The following USP37 variants were observed in gnomAD, a reference collection of about 807,000 sequenced individuals.
The protein encoded by USP37 is ubiquitin specific peptidase 37.
In USP37, 27 loss-of-function variants were observed where a neutral mutation model predicts 124.0. The ratio of observed to expected loss-of-function variants is 0.22; its 90% CI spans 0.16 to 0.30. The LOEUF is 0.30. USP37 is among the 10% of genes least tolerant of loss of function. The pLI, the probability that USP37 is intolerant of heterozygous loss-of-function variation, is 1.00. For missense variants in USP37, 889 were observed against 1,140.4 expected (o/e 0.78, Z 3.17); for synonymous variants, 365 against 388.0 (o/e 0.94, Z 0.70).
At chr2:218,486,882 C>T (rs1355643452) in intron 15 of USP37, among the ~76,000 whole-genome samples, 1 of 151,966 alleles carries the variant, frequency 6.6e-6, no homozygotes, top group Non-Finnish European at 1.5e-5. Flanking sequence ...CCCGCCACCA[C>T]GCCCAGCTAA....
chr2:218,459,534 T>C (rs1266399766), intron 23 of USP37, among the ~76,000 whole-genome samples: 2 of 152,254 alleles, frequency 1.3e-5, no homozygotes, highest in Non-Finnish European at 2.9e-5. Context: ...CATACATGCC[T>C]TTACTGAGTT....
intron 4 of USP37, among the ~76,000 whole-genome samples, chr2:218,557,465 T>C (rs919039487): frequency 2.0e-5 from 3 of 151,904 alleles, no homozygotes; most frequent in Non-Finnish European, 4.4e-5. Context: ...CTATCTTATT[T>C]AAGACTACCT....
intron 9 of USP37, among the ~76,000 whole-genome samples, chr2:218,534,049 A>G (rs1691482548): frequency 6.6e-6 from 1 of 152,244 alleles, no homozygotes; most frequent in South Asian, 2.1e-4. Context: ...TACTTTGACA[A>G]TGAAACAGCT....
chr2:218,510,586 T>C (rs1689926781), intron 10 of USP37, among the ~76,000 whole-genome samples: 1 of 152,232 alleles, frequency 6.6e-6, no homozygotes, highest in Non-Finnish European at 1.5e-5. Flanking sequence ...CAATCTTCAT[T>C]TTTAATTTTT....
chr2:218,502,695 A>T (rs997647272), intron 11 of USP37, among the ~76,000 whole-genome samples: 18 of 152,312 alleles, frequency 1.2e-4, no homozygotes, highest in Middle Eastern at 3.4e-3. Context: ...AGTGCCTTCA[A>T]GGAGGAAGAT....
intron 1 of USP37, 101 bp from the exon 2 acceptor site, chr2:218,562,914 A>G (rs1230981731): frequency 4.4e-5 from 17 of 385,332 alleles, no homozygotes; most frequent in Non-Finnish European, 6.0e-5. Context: ...GAGTAATCCC[A>G]GCACTTTGAG....
chr2:218,485,567 T>G, intron 16 of USP37, 97 bp downstream of exon 16: 2 of 1,308,148 alleles, frequency 1.5e-6, no homozygotes, highest in Non-Finnish European at 2.1e-6. Context: ...TTCAGTAATA[T>G]TTGTATGAAC....
rs79103630 is a variant in USP37 at position 218,479,399 on chromosome 2, A to G, written c.1901+251T>C. Among the ~76,000 whole-genome samples the G allele has an allele frequency of 2.0e-3, 312 of 152,346 alleles. 1 individual carries two copies. Among genetic ancestry groups the G allele is most frequent in the African/African-American group, 7.3e-3 (303 of 41,576 alleles). On this transcript the variant is annotated intron_variant, in intron 18 of 25. Transcript: ENST00000258399. ...AGGATGAAAGTATTACATATTAACA[A>G]TAATAAGTTTTTAAAAGTTTTAAGA...
intron 23 of USP37, 113 bp downstream of exon 23, chr2:218,459,677 T>C (rs1026027989): frequency 3.9e-6 from 3 of 765,196 alleles, no homozygotes; most frequent in African/African-American, 1.8e-5. Flanking sequence ...TAATGGCTAC[T>C]GAAAGGGCCA....
chr2:218,519,320 T>G (rs935144257), intron 10 of USP37, among the ~76,000 whole-genome samples: 5 of 152,220 alleles, frequency 3.3e-5, no homozygotes, highest in Non-Finnish European at 7.3e-5. Flanking sequence ...TCAACTTAAT[T>G]AAATTTCAGT....
Position 218,454,350 on chromosome 2 carries a change from G to C in USP37, c.*580C>G, listed in dbSNP as rs1180808309. ...GACAGTAATGCCCCTCTCTTGCAAA[G>C]AGAACAAACTGTCATTAGTGTAACA... On this transcript the variant is annotated 3_prime_UTR_variant, in exon 26 of 26. Coordinates refer to ENST00000258399, the MANE Select transcript of USP37 (RefSeq NM_020935.3). 1 of 152,548 alleles carries C rather than the reference G, an allele frequency of 6.6e-6. No homozygotes were observed. Among genetic ancestry groups the C allele is most frequent in the Non-Finnish European group, 1.5e-5 (1 of 68,040 alleles). The allele number at this position is 152,548 out of a possible 1,614,324, so 9.4% of individuals were successfully genotyped here.
intron 19 of USP37, among the ~76,000 whole-genome samples, chr2:218,475,780 G>A (rs1450389902): frequency 1.3e-5 from 2 of 151,738 alleles, no homozygotes; most frequent in African/African-American, 4.8e-5. Flanking sequence ...CCAAAAATTA[G>A]GGAGATGTTG....
intron 10 of USP37, among the ~76,000 whole-genome samples, chr2:218,529,166 A>G (rs1021550804): frequency 1.3e-5 from 2 of 152,188 alleles, no homozygotes; most frequent in South Asian, 2.1e-4. Flanking sequence ...CTAAGTAGCT[A>G]TCACTACAGG....
chr2:218,456,969 CA>C (rs5838699), intron 24 of USP37, 122 bp downstream of exon 24: 477,994 of 817,790 alleles, frequency 0.58, 116,953 homozygotes, highest in East Asian at 0.81. Flanking sequence ...GACTGGATCT[CA>C]AAAAAAAAAA....
chr2:218,552,644 A>G (rs1559226641), intron 5 of USP37, among the ~76,000 whole-genome samples: 1 of 84,732 alleles, frequency 1.2e-5, no homozygotes, highest in South Asian at 4.5e-4. Flanking sequence ...CTGTAAATGC[A>G]TTAAAAGAAA....
At chr2:218,558,053 A>T (rs1055059765) in intron 4 of USP37, among the ~76,000 whole-genome samples, 3 of 152,048 alleles carry the variant, frequency 2.0e-5, no homozygotes, top group Admixed American at 2.0e-4. Context: ...TCATCCTTGA[A>T]TGATTCACAC....
chr2:218,502,328 T>G (rs540518955), intron 11 of USP37, among the ~76,000 whole-genome samples: 21 of 152,100 alleles, frequency 1.4e-4, no homozygotes, highest in African/African-American at 5.1e-4. Context: ...ATATTTAAAA[T>G]GAAAATTTCA....
At chr2:218,462,816 G>T (rs1214815543) in intron 22 of USP37, among the ~76,000 whole-genome samples, 1 of 151,998 alleles carries the variant, frequency 6.6e-6, no homozygotes, top group Non-Finnish European at 1.5e-5. Flanking sequence ...CTGGGAGGAA[G>T]ACAAAAAGGA....
intron 18 of USP37, among the ~76,000 whole-genome samples, chr2:218,477,463 G>C (rs1691039722): frequency 6.6e-6 from 1 of 152,152 alleles, no homozygotes. Context: ...GGATTCCAAA[G>C]TAAGAAAAAA....
Sources: gnomAD v4.1 joint callset for allele counts (sites outside exome capture counted in the v4.1 genomes callset) on GRCh38, gnomAD v4.1.1 for gene constraint, MANE v1.5 for transcripts, NCBI Gene and HGNC (gene_info 2026-07-23, HGNC 2026-07-21) for gene names.